Variants in TAF4B observed in about 807,000 individuals in gnomAD.
TAF4B encodes the protein TATA-box binding protein associated factor 4b, also known as transcription initiation factor TFIID subunit 4B.
TAF4B carries 38 observed loss-of-function variants against 86.4 expected under a neutral mutation model. The ratio of observed to expected loss-of-function variants is 0.44; its 90% CI spans 0.34 to 0.58. The LOEUF (loss-of-function observed/expected upper bound fraction) is 0.58, where lower values mean the gene tolerates loss of function less well. TAF4B is among the 20% of genes least tolerant of loss of function. The pLI, the probability that TAF4B is intolerant of heterozygous loss-of-function variation, is 0.02. For missense variants in TAF4B, 988 were observed against 1,027.6 expected, an observed-to-expected ratio of 0.96 and a Z score of 0.53; for synonymous variants, 388 against 391.2, an observed-to-expected ratio of 0.99 and a Z score of 0.10.
intron 7 of TAF4B, among the ~76,000 whole-genome samples, chr18:26,287,961 C>T (rs1288155322): frequency 6.6e-6 from 1 of 152,212 alleles, no homozygotes; most frequent in African/African-American, 2.4e-5. Flanking sequence ...GGAAATGTAA[C>T]TGCCTTGCAG....
At chr18:26,268,112 T>A (rs934609536) in intron 3 of TAF4B, among the ~76,000 whole-genome samples, 4 of 152,198 alleles carry the variant, frequency 2.6e-5, no homozygotes, top group African/African-American at 9.7e-5. Context: ...TGGACTTTCC[T>A]GGGAAAGTTA....
chr18:26,241,709 T>C (rs970414509), intron 1 of TAF4B, among the ~76,000 whole-genome samples: 1 of 152,230 alleles, frequency 6.6e-6, no homozygotes, highest in Admixed American at 6.5e-5. Flanking sequence ...TCCTGCTTTC[T>C]CTTATGGGAA....
rs778844221 is a variant in TAF4B, at chr18:26,327,083, A to G, written c.2202A>G (p.Gln734=). ...TCAAATTTCTTGAAAAGCTGGATCAATTGGAGAAGCAGAGAAAGGATTTGG... is the reference window on the plus strand; with the variant it reads ...TCAAATTTCTTGAAAAGCTGGATCAGTTGGAGAAGCAGAGAAAGGATTTGG... The part of the protein sequence containing the change: ...SQLKFLEKLD[Q]LEKQRKDLEE... Residue 734 remains glutamine, a synonymous_variant, in exon 12 of 15, where the codon CAA becomes CAG. Transcript: ENST00000269142. The G allele has an allele frequency of 1.5e-5, 24 of 1,613,740 alleles. No individual in the cohort carries two copies. In the Admixed American group the frequency reaches 2.8e-4, roughly 19 times the overall value.
intron 7 of TAF4B, among the ~76,000 whole-genome samples, chr18:26,288,677 T>C (rs113538246): frequency 1.3e-5 from 2 of 152,034 alleles, no homozygotes; most frequent in African/African-American, 4.8e-5. Context: ...AGTCAAGTAA[T>C]GGATCTCAGA....
intron 1 of TAF4B, chr18:26,255,977 C>G (rs1466041469): frequency 7.6e-7 from 1 of 1,318,776 alleles, no homozygotes; most frequent in Non-Finnish European, 1.1e-6. Flanking sequence ...CTGGGAGGCA[C>G]TGGAGGTGGT....
chr18:26,326,917 T>C, intron 11 of TAF4B, 98 bp from the exon 12 acceptor site: 1 of 1,322,402 alleles, frequency 7.6e-7, no homozygotes. Context: ...TTCCTATTTA[T>C]GTTGGTATTC....
intron 13 of TAF4B, among the ~76,000 whole-genome samples, chr18:26,336,326 T>G (rs2057090970): frequency 6.6e-6 from 1 of 152,196 alleles, no homozygotes; most frequent in Non-Finnish European, 1.5e-5. Flanking sequence ...TTGCTGCAGT[T>G]GGCTCCTAGG....
chr18:26,327,906 T>A (rs999751026), intron 12 of TAF4B, among the ~76,000 whole-genome samples: 3 of 152,198 alleles, frequency 2.0e-5, no homozygotes, highest in Non-Finnish European at 4.4e-5. Flanking sequence ...TTTATTTCCC[T>A]TCTCCCTTAT....
At chr18:26,320,777 A>G (rs2056955242) in intron 10 of TAF4B, among the ~76,000 whole-genome samples, 2 of 152,210 alleles carry the variant, frequency 1.3e-5, no homozygotes, top group African/African-American at 4.8e-5. Context: ...TCCTCCCTGA[A>G]CAATAGACTT....
At chr18:26,302,834 A>G (rs2056751030) in intron 9 of TAF4B, among the ~76,000 whole-genome samples, 1 of 151,992 alleles carries the variant, frequency 6.6e-6, no homozygotes. Context: ...CCTATGTCAT[A>G]TATATATGGA....
At chr18:26,254,947 CT>C (rs1208446851) in intron 1 of TAF4B, among the ~76,000 whole-genome samples, 3 of 152,176 alleles carry the variant, frequency 2.0e-5, no homozygotes, top group East Asian at 1.9e-4. Flanking sequence ...TCATCAGAAG[CT>C]TGGCAAGACC....
chr18:26,234,683 T>A (rs1428110024), intron 1 of TAF4B, among the ~76,000 whole-genome samples: 1 of 152,164 alleles, frequency 6.6e-6, no homozygotes, highest in Non-Finnish European at 1.5e-5. Context: ...TTCTAAGAGA[T>A]CCTCTTGGGT....
intron 1 of TAF4B, chr18:26,256,247 G>A (rs1598730750): frequency 6.4e-7 from 1 of 1,553,328 alleles, no homozygotes; most frequent in Non-Finnish European, 8.9e-7. Context: ...AGCTGTGGAA[G>A]TCCTTTTCAT....
intron 10 of TAF4B, among the ~76,000 whole-genome samples, chr18:26,319,621 C>A (rs2056943829): frequency 6.6e-6 from 1 of 150,654 alleles, no homozygotes; most frequent in Non-Finnish European, 1.5e-5. Flanking sequence ...TGCAGTTTTG[C>A]TCATGTTACC....
At chr18:26,299,388 A>G (rs1220109289) in intron 9 of TAF4B, among the ~76,000 whole-genome samples, 2 of 152,126 alleles carry the variant, frequency 1.3e-5, no homozygotes, top group Non-Finnish European at 2.9e-5. Flanking sequence ...ATGTTCTTGC[A>G]TTCCTGGAGT....
At position 26,364,637 on chromosome 18, in the gene TAF4B, G is replaced by GT. The variant is rs200922259; in HGVS notation, c.2421+6852dup. Among the ~76,000 whole-genome samples, 757 of 150,032 alleles carry GT rather than the reference G, an allele frequency of 5.0e-3. 10 individuals are homozygous for GT. Among genetic ancestry groups the GT allele is most frequent in the Admixed American group, 0.032 (477 of 15,020 alleles). ...CATGCCTTATTAATGATCCAGCAAC[G>GT]TTTTTTTTTAGCACAAAGATAAGTT... On this transcript the variant is annotated intron_variant, in intron 14 of 14. Transcript: ENST00000269142.
intron 1 of TAF4B, among the ~76,000 whole-genome samples, chr18:26,232,357 CCAGT>C (rs1238206720): frequency 3.9e-5 from 6 of 152,228 alleles, no homozygotes; most frequent in South Asian, 2.1e-4. Flanking sequence ...ATTCTCTAGG[CCAGT>C]CAAAGGGCCA....
At chr18:26,327,204 G>T (rs950116630) in intron 12 of TAF4B, 64 bp downstream of exon 12, 2 of 1,550,496 alleles carry the variant, frequency 1.3e-6, no homozygotes, top group African/African-American at 1.4e-5. Flanking sequence ...TGGCTTTATC[G>T]TTGGTTGACT....
chr18:26,294,343 T>C (rs2056634542), intron 9 of TAF4B, among the ~76,000 whole-genome samples: 1 of 152,054 alleles, frequency 6.6e-6, no homozygotes, highest in Non-Finnish European at 1.5e-5. Flanking sequence ...GTGGTTATTA[T>C]TGTGGTTTTA....
Sources: gnomAD v4.1 joint callset for allele counts (sites outside exome capture counted in the v4.1 genomes callset) on GRCh38, gnomAD v4.1.1 for gene constraint, MANE v1.5 for transcripts, NCBI Gene and HGNC (gene_info 2026-07-23, HGNC 2026-07-21) for gene names.